Variants in RNASE10 observed in about 807,000 individuals in gnomAD.
RNASE10 encodes the protein inactive ribonuclease-like protein 10.
RNASE10 carries 2 observed loss-of-function variants against 1.1 expected under a neutral mutation model. That is an observed-to-expected ratio of 1.82 (90% CI 0.74 to 5.73). The LOEUF (loss-of-function observed/expected upper bound fraction) is 5.73. Among genes scored for constraint, RNASE10 ranks in the 30% most tolerant of loss-of-function variants. The pLI, the probability that RNASE10 is intolerant of heterozygous loss-of-function variation, is 0.05. For synonymous variants in RNASE10, 97 were observed against 96.2 expected (o/e 1.01, Z -0.05); for missense variants, 276 against 263.4 (o/e 1.05, Z -0.33).
At position 20,506,978 on chromosome 14, in the gene RNASE10, G is replaced by A. The variant is rs1303982497; in HGVS notation, c.79+959G>A. On this transcript the variant is annotated intron_variant, in intron 1 of 1. Coordinates refer to ENST00000430083, the Ensembl canonical transcript of RNASE10. ...CCCCGCCCGGCCAGCCGCCCCGTCC[G>A]GGAGGGAGGTGGTGGGGGTCAGCCC... 7.7e-5 allele frequency among the ~76,000 whole-genome samples: 11 copies of A among 143,546 alleles called. 1 individual carries two copies. The highest frequency in any genetic ancestry group is 2.3e-4 in the South Asian group (1 of 4,434). 94.2% of individuals were successfully genotyped at this position (143,546 alleles called of 152,430 possible).
upstream of RNASE10, among the ~76,000 whole-genome samples, chr14:20,504,790 G>T (rs1248122530): frequency 1.3e-5 from 2 of 150,008 alleles, no homozygotes; most frequent in South Asian, 4.3e-4. Context: ...CATTTACAGG[G>T]AAAGTAATGC....
chr14:20,506,940 G>A (rs1329672080), intron 1 of RNASE10, among the ~76,000 whole-genome samples: 8 of 138,490 alleles, frequency 5.8e-5, no homozygotes, highest in African/African-American at 8.8e-5. Flanking sequence ...GGAGGGGGGA[G>A]GGGGGGTCAG....
chr14:20,506,576 AG>A (rs1466871161), intron 1 of RNASE10, among the ~76,000 whole-genome samples: 16 of 99,366 alleles, frequency 1.6e-4, no homozygotes, highest in East Asian at 2.9e-4. Context: ...GGAAGTGAGG[AG>A]CCCCTCTGCC....
intron 1 of RNASE10, among the ~76,000 whole-genome samples, chr14:20,506,803 G>A (rs1882743551): frequency 7.6e-6 from 1 of 132,192 alleles, no homozygotes; most frequent in African/African-American, 2.9e-5. Flanking sequence ...GCCCCGTCCG[G>A]GAGGGAGGTG....
upstream of RNASE10, among the ~76,000 whole-genome samples, chr14:20,504,748 C>T (rs955757794): frequency 7.9e-5 from 11 of 139,744 alleles, no homozygotes; most frequent in East Asian, 2.1e-4. Context: ...GAACTCCAGG[C>T]GCAGACAGCA....
At chr14:20,506,411 C>T (rs1396100155) in intron 1 of RNASE10, among the ~76,000 whole-genome samples, 7 of 123,748 alleles carry the variant, frequency 5.7e-5, no homozygotes, top group South Asian at 2.8e-4. Context: ...CCCCTCTGCC[C>T]GGCCAGCCGT....
upstream of RNASE10, among the ~76,000 whole-genome samples, chr14:20,505,135 A>G (rs1277694961): frequency 1.3e-5 from 2 of 151,724 alleles, no homozygotes; most frequent in African/African-American, 4.8e-5. Flanking sequence ...GGGTAGGACA[A>G]AGAAAGAGCT....
intron 1 of RNASE10, among the ~76,000 whole-genome samples, chr14:20,507,538 T>C (rs915698130): frequency 1.4e-4 from 19 of 140,276 alleles, no homozygotes; most frequent in African/African-American, 3.6e-4. Context: ...GTTTATCTGC[T>C]GACCTTCCCT....
chr14:20,505,237 T>C (rs1431459365), upstream of RNASE10, among the ~76,000 whole-genome samples: 1 of 140,838 alleles, frequency 7.1e-6, no homozygotes, highest in East Asian at 2.1e-4. Context: ...TATAGACAAA[T>C]CATAAGGATG....
At chr14:20,511,002 G>C (rs762152558) in exon 2 of RNASE10, 2 of 1,598,256 alleles carry the variant, frequency 1.3e-6, no homozygotes, top group South Asian at 2.3e-5. Flanking sequence ...ATTTGACATT[G>C]TGCGAGCTGT....
chr14:20,506,768 G>C (rs1882741242), intron 1 of RNASE10, among the ~76,000 whole-genome samples: 11 of 134,082 alleles, frequency 8.2e-5, no homozygotes, highest in Admixed American at 1.4e-4. Flanking sequence ...GAGGTGGGGG[G>C]GGTCAGCCCC....
At chr14:20,511,886 C>T (rs1197352006), downstream of RNASE10, among the ~76,000 whole-genome samples, 3 of 151,960 alleles carry the variant, frequency 2.0e-5, no homozygotes, top group East Asian at 3.9e-4. Flanking sequence ...TTTTTGGGCC[C>T]GCTCTTCTCT....
chr14:20,505,200 T>C (rs1478374874), upstream of RNASE10, among the ~76,000 whole-genome samples: 10 of 144,020 alleles, frequency 6.9e-5, no homozygotes, highest in East Asian at 1.3e-3. Flanking sequence ...TGAAACAGTG[T>C]CTGTGTTTAG....
At chr14:20,510,360 C>A (rs926312735) in intron 1 of RNASE10, 107 bp from the exon 2 acceptor site, 3 of 1,488,656 alleles carry the variant, frequency 2.0e-6, no homozygotes, top group Non-Finnish European at 1.8e-6. Flanking sequence ...GCAGAAGACA[C>A]AGGAGACCCC....
Position 20,505,809 on chromosome 14 carries a change from T to C in RNASE10, c.-132T>C, listed in dbSNP as rs201812317. ...GATACGAGGAGCCTCTCTGCCTGGC[T>C]GCCCAGTCTGGAAAGTGAGGAGCGT... On this transcript the variant is annotated 5_prime_UTR_variant, in exon 1 of 2. Transcript: ENST00000430083. 7.3e-4 allele frequency: 65 copies of C among 88,874 alleles called. 1 individual carries two copies. Among genetic ancestry groups the C allele is most frequent in the African/African-American group, 1.3e-3 (16 of 12,068 alleles). 5.5% of individuals were successfully genotyped at this position (88,874 alleles called of 1,614,324 possible). A position where few individuals can be genotyped will look rare whatever the true frequency, so the allele number is the denominator to read the frequency against.
chr14:20,510,451 C>T lies in RNASE10; in HGVS notation c.80-16C>T, dbSNP rs1347163880. On this transcript the variant is annotated splice_polypyrimidine_tract_variant and intron_variant, in intron 1 of 1. Coordinates refer to ENST00000430083, the Ensembl canonical transcript of RNASE10. ...ATCTCAAAGTCACGTTCTTCCATTT[C>T]CCGCTTCCTCTCCAGGCAAAATGAA... The T allele has an allele frequency of 6.3e-7, 1 of 1,595,332 alleles. No individual in the cohort carries two copies. Among genetic ancestry groups the T allele is most frequent in the Non-Finnish European group, 8.5e-7 (1 of 1,172,418 alleles).
chr14:20,506,946 G>A (rs1321692861), intron 1 of RNASE10, among the ~76,000 whole-genome samples: 3 of 138,540 alleles, frequency 2.2e-5, no homozygotes, highest in South Asian at 4.8e-4. Flanking sequence ...GGGAGGGGGG[G>A]TCAGCCCCCC....
chr14:20,508,074 C>T (rs960544519), intron 1 of RNASE10, among the ~76,000 whole-genome samples: 12 of 152,042 alleles, frequency 7.9e-5, no homozygotes, highest in South Asian at 6.2e-4. Flanking sequence ...TTATCATTTT[C>T]TCTCTCTCTC....
At chr14:20,512,551 T>G (rs184848840), downstream of RNASE10, among the ~76,000 whole-genome samples, 117 of 152,358 alleles carry the variant, frequency 7.7e-4, no homozygotes, top group African/African-American at 2.7e-3. Context: ...TGACCTGGCT[T>G]GCATTTTCCT....
Sources: gnomAD v4.1 joint callset for allele counts (sites outside exome capture counted in the v4.1 genomes callset) on GRCh38, gnomAD v4.1.1 for gene constraint, MANE v1.5 for transcripts, NCBI Gene and HGNC (gene_info 2026-07-23, HGNC 2026-07-21) for gene names.